LPIN1: variants seen among roughly 807,000 people sequenced by gnomAD.
LPIN1 encodes phosphatidate phosphatase LPIN1.
A neutral mutation model predicts 107.5 loss-of-function variants in LPIN1; 71 were observed. The ratio of observed to expected loss-of-function variants is 0.66; its 90% CI spans 0.55 to 0.80. The LOEUF (loss-of-function observed/expected upper bound fraction) is 0.80. LPIN1 is among the 30% of genes least tolerant of loss of function. LPIN1 has a pLI of 0.00. For synonymous variants in LPIN1, 445 were observed against 452.6 expected, an observed-to-expected ratio of 0.98 and a Z score of 0.21; for missense variants, 1,043 against 1,160.6, an observed-to-expected ratio of 0.90 and a Z score of 1.47.
chr2:11,716,491 C>T (rs1663750735), intron 2 of LPIN1, among the ~76,000 whole-genome samples: 1 of 152,034 alleles, frequency 6.6e-6, no homozygotes, highest in South Asian at 2.1e-4. Context: ...CTCCCTCCTT[C>T]CTAGTGACTG....
intron 1 of LPIN1, among the ~76,000 whole-genome samples, chr2:11,764,003 A>G (rs767395196): frequency 8.8e-5 from 12 of 136,652 alleles, no homozygotes; most frequent in Non-Finnish European, 1.4e-4. Context: ...ATATATATAT[A>G]TATTTGGAGA....
At chr2:11,751,986 C>G (rs908585935) in intron 1 of LPIN1, among the ~76,000 whole-genome samples, 2 of 152,076 alleles carry the variant, frequency 1.3e-5, no homozygotes, top group African/African-American at 4.8e-5. Context: ...TTATTATCAG[C>G]CTCATAATAT....
intron 1 of LPIN1, among the ~76,000 whole-genome samples, chr2:11,693,808 ATATATATATATATATTTTTTTTTTT>A (rs1409734683): frequency 3.7e-4 from 11 of 29,454 alleles, no homozygotes; most frequent in African/African-American, 9.6e-4. Context: ...ATATATATAT[ATATATATATATATATTTTTTTTTTT>A]TTTTTTTTTT....
At chr2:11,801,664 A>G (rs1356574504) in intron 14 of LPIN1, among the ~76,000 whole-genome samples, 1 of 152,162 alleles carries the variant, frequency 6.6e-6, no homozygotes, top group Non-Finnish European at 1.5e-5. Flanking sequence ...AGTTAGATGA[A>G]AGGAATAAGT....
rs73915566 is a variant in LPIN1, at chr2:11,785,372, T to C, written c.1549+296T>C. ...AGGCTAGAGGGGGTGTCAGTCTAAT[T>C]AAATTAGAGGGTGTCGGCAGCGAGA... On this transcript the variant is annotated intron_variant, in intron 10 of 20. Transcript: ENST00000674199. Among the ~76,000 whole-genome samples, 607 of 152,166 alleles carry C rather than the reference T, an allele frequency of 4.0e-3. 3 individuals are homozygous for C. The highest frequency in any genetic ancestry group is 0.013 in the African/African-American group (556 of 41,518).
rs1431103784 is a variant in LPIN1 at position 11,786,661 on chromosome 2, A to T, written c.1550-413A>T. On this transcript the variant is annotated intron_variant, in intron 10 of 20. Transcript: ENST00000674199. This position sits in a 1 kb window ranked among gnomAD's most constrained non-coding sequence, Gnocchi z 4.1. ...GATGTGGTTATTATCCCCATGCTAG[A>T]GGAGGGAACTGGGGCCTGGGAGGTG... 6.6e-6 allele frequency among the ~76,000 whole-genome samples: 1 copy of T among 152,186 alleles called. No homozygotes were observed. Among genetic ancestry groups the T allele is most frequent in the Non-Finnish European group, 1.5e-5 (1 of 68,010 alleles).
At chr2:11,709,375 C>T (rs1663289662) in intron 1 of LPIN1, among the ~76,000 whole-genome samples, 1 of 152,214 alleles carries the variant, frequency 6.6e-6, no homozygotes, top group South Asian at 2.1e-4. Context: ...AACTGAGACC[C>T]AGAGAAGGGC....
chr2:11,784,372 C>T, intron 9 of LPIN1: 9 of 1,127,626 alleles, frequency 8.0e-6, no homozygotes, highest in Non-Finnish European at 8.7e-6. Context: ...GTGAAATGCG[C>T]CTGCTCTATG....
chr2:11,715,503 G>A (rs1400430676), intron 2 of LPIN1, among the ~76,000 whole-genome samples: 1 of 152,222 alleles, frequency 6.6e-6, no homozygotes, highest in African/African-American at 2.4e-5. Flanking sequence ...CTTACAGCAT[G>A]TGTGACATTG....
intron 10 of LPIN1, among the ~76,000 whole-genome samples, chr2:11,785,888 G>A (rs1190576192): frequency 6.6e-6 from 1 of 152,172 alleles, no homozygotes; most frequent in Non-Finnish European, 1.5e-5. Context: ...CCAGTCCCTT[G>A]AGAGCGGAAA....
At chr2:11,791,620 T>TA in intron 12 of LPIN1, 1 of 1,248,708 alleles carries the variant, frequency 8.0e-7, no homozygotes, top group Non-Finnish European at 1.0e-6. Flanking sequence ...TACTAATCAC[T>TA]AATGATTTCT....
intron 1 of LPIN1, among the ~76,000 whole-genome samples, chr2:11,737,635 A>C (rs548596049): frequency 3.3e-5 from 5 of 152,378 alleles, no homozygotes; most frequent in African/African-American, 1.2e-4. Context: ...GTATGAAAAA[A>C]AGCTCTTCAT....
chr2:11,788,520 G>A, intron 12 of LPIN1, 64 bp downstream of exon 12: 1 of 1,284,768 alleles, frequency 7.8e-7, no homozygotes, highest in Non-Finnish European at 1.1e-6. Context: ...ATCTGGGGTG[G>A]TTGGAATTTC....
At position 11,732,757 on chromosome 2, in the gene LPIN1, G is replaced by A. The variant is rs148938300; in HGVS notation, c.-72+8218G>A. Among the ~76,000 whole-genome samples the A allele has an allele frequency of 8.5e-5, 13 of 152,236 alleles. No homozygotes were observed. In the East Asian group the frequency reaches 1.5e-3, roughly 18 times the overall value. On this transcript the variant is annotated intron_variant, in intron 1 of 21. Transcript: ENST00000396097. ...CTGTGGTGAAATATGCCTTATTACC[G>A]ATACCTAAATAGATACTCCCTAGTT...
At position 11,824,657 on chromosome 2, in the gene LPIN1, G is replaced by C. The variant is rs377362691; in HGVS notation, c.2647G>C (p.Asp883His). 3.1e-6 allele frequency: 5 copies of C among 1,613,952 alleles called. No homozygotes were observed. The highest frequency in any genetic ancestry group is 4.2e-6 in the Non-Finnish European group (5 of 1,180,010). The change falls in exon 21 of 21, where the codon GAC becomes CAC. Residue 883 changes from aspartate to histidine, a missense_variant. Transcript: ENST00000674199. ...SSYVRLCEVV[D>H]HVFPLLKRSH... ...GTATGTGAGACTCTGTGAAGTAGTCGACCACGTTTTCCCGTTGCTGAAAAG... is the reference window on the plus strand; with the variant it reads ...GTATGTGAGACTCTGTGAAGTAGTCCACCACGTTTTCCCGTTGCTGAAAAG...
chr2:11,697,993 G>A lies in LPIN1; in HGVS notation c.82-15763G>A, dbSNP rs1216491158. 6.6e-6 allele frequency among the ~76,000 whole-genome samples: 1 copy of A among 152,144 alleles called. No individual in the cohort carries two copies. The highest frequency in any genetic ancestry group is 1.9e-4 in the East Asian group (1 of 5,174). On this transcript the variant is annotated intron_variant, in intron 1 of 21. Coordinates refer to the LPIN1 transcript ENST00000449576. This position sits in a 1 kb window ranked among gnomAD's most constrained non-coding sequence, Gnocchi z 4.6. ...TTTGCCTACAGTCCTGGTGGAGCCG[G>A]TGGTGGTCAGAGAGTTTCACTGTCT...
intron 10 of LPIN1, 26 bp downstream of exon 10, chr2:11,785,102 C>G (rs766091545): frequency 6.6e-7 from 1 of 1,512,606 alleles, no homozygotes; most frequent in East Asian, 2.3e-5. Context: ...CGCGGGCGCC[C>G]TCTGGTGGCC....
chr2:11,725,488 A>T (rs1664543801), intron 1 of LPIN1, among the ~76,000 whole-genome samples: 1 of 152,190 alleles, frequency 6.6e-6, no homozygotes, highest in South Asian at 2.1e-4. Context: ...AGCCCACAGC[A>T]TGGTTGGAAG....
At chr2:11,770,685 G>A (rs1671698663) in intron 3 of LPIN1, among the ~76,000 whole-genome samples, 1 of 152,112 alleles carries the variant, frequency 6.6e-6, no homozygotes, top group Non-Finnish European at 1.5e-5. Context: ...ACAAAATGAG[G>A]CATTCATTAA....
Sources: allele counts gnomAD v4.1 joint callset (sites outside exome capture counted in the v4.1 genomes callset), GRCh38; gene constraint gnomAD v4.1.1; non-coding constraint Gnocchi (gnomAD v3.1); transcripts MANE v1.5; gene names NCBI Gene and HGNC (gene_info 2026-07-23, HGNC 2026-07-21).